Variants in TSEN15 observed in about 807,000 individuals in gnomAD.
TSEN15 encodes tRNA-splicing endonuclease subunit Sen15.
In TSEN15, 10 loss-of-function variants were observed where a neutral mutation model predicts 20.5. That is an observed-to-expected ratio of 0.49 (90% CI 0.30 to 0.83). TSEN15 has a LOEUF of 0.83. Ranked by LOEUF, TSEN15 falls within the 40% of genes least tolerant of loss-of-function variation. TSEN15 has a pLI of 0.06. For missense variants in TSEN15, 180 were observed against 218.6 expected, an observed-to-expected ratio of 0.82 and a Z score of 1.11; for synonymous variants, 72 against 80.1, an observed-to-expected ratio of 0.90 and a Z score of 0.54.
chr1:184,056,767 C>T (rs1205724176), intron 3 of TSEN15, among the ~76,000 whole-genome samples: 2 of 152,174 alleles, frequency 1.3e-5, no homozygotes, highest in Non-Finnish European at 2.9e-5. Context: ...TGACATATCA[C>T]TTCTGCTACT....
intron 4 of TSEN15, 194 bp downstream of exon 4, chr1:184,072,492 T>G (rs1650922547): frequency 1.7e-6 from 1 of 583,196 alleles, no homozygotes; most frequent in Non-Finnish European, 2.8e-6. Context: ...CTAGTTATTT[T>G]TGCAAAAAAA....
At chr1:184,074,239 CTA>C (rs1316537764), downstream of TSEN15, 1 of 152,196 alleles carries the variant, frequency 6.6e-6, no homozygotes, top group East Asian at 1.9e-4. Context: ...TATTAGTTAT[CTA>C]TCATTGCAAA....
intron 3 of TSEN15, among the ~76,000 whole-genome samples, chr1:184,069,340 T>A (rs1195493023): frequency 6.6e-6 from 1 of 152,150 alleles, no homozygotes; most frequent in Non-Finnish European, 1.5e-5. Flanking sequence ...TATTAATACA[T>A]AGGTTATATT....
At chr1:184,077,502 G>A (rs939385689), downstream of TSEN15, among the ~76,000 whole-genome samples, 3 of 152,152 alleles carry the variant, frequency 2.0e-5, no homozygotes, top group Admixed American at 6.6e-5. Flanking sequence ...GTCAAGGAGT[G>A]ATTTTGACTT....
Position 184,061,530 on chromosome 1 carries a change from C to T in TSEN15, c.353+6667C>T, listed in dbSNP as rs150780372. Among the ~76,000 whole-genome samples, 470 of 152,156 alleles carry T rather than the reference C, an allele frequency of 3.1e-3. 2 individuals are homozygous for T. The highest frequency in any genetic ancestry group is 7.4e-3 in the African/African-American group (306 of 41,516). Reference sequence around the variant, plus strand: ...ATAATCTGTTGTTTGTAAAACTGAACCAAACTCTGTCATTTACATAGTTAA... The same window carrying T: ...ATAATCTGTTGTTTGTAAAACTGAATCAAACTCTGTCATTTACATAGTTAA... On this transcript the variant is annotated intron_variant, in intron 3 of 4. Coordinates refer to ENST00000645668, the MANE Select transcript of TSEN15 (RefSeq NM_052965.4).
At chr1:184,088,114 C>T (rs1651296169) in intron 3 of TSEN15, among the ~76,000 whole-genome samples, 1 of 152,120 alleles carries the variant, frequency 6.6e-6, no homozygotes, top group Non-Finnish European at 1.5e-5. Context: ...ACCGGAGCCA[C>T]CTCAGGAAGA....
At chr1:184,060,402 C>G (rs1379446121) in intron 3 of TSEN15, among the ~76,000 whole-genome samples, 1 of 152,242 alleles carries the variant, frequency 6.6e-6, no homozygotes, top group African/African-American at 2.4e-5. Context: ...AAAGCACAAT[C>G]TGCATATCTG....
intron 3 of TSEN15, among the ~76,000 whole-genome samples, chr1:184,069,331 A>G (rs1650801422): frequency 6.6e-6 from 1 of 152,132 alleles, no homozygotes; most frequent in Non-Finnish European, 1.5e-5. Context: ...AACTGTTAGT[A>G]TTAATACATA....
rs59993350 is a variant in TSEN15 at position 184,068,339 on chromosome 1, C to A, written c.354-3818C>A. Among the ~76,000 whole-genome samples the A allele has an allele frequency of 4.6e-3, 694 of 152,208 alleles. 9 individuals are homozygous for A. Among genetic ancestry groups the A allele is most frequent in the African/African-American group, 0.016 (672 of 41,526 alleles). On this transcript the variant is annotated intron_variant, in intron 3 of 4. Coordinates refer to ENST00000645668, the MANE Select transcript of TSEN15 (RefSeq NM_052965.4). ...GAAAGCATAATCCTTATTACAAATT[C>A]ATTTAATGACCACTATTTTATTTGA...
intron 1 of TSEN15, 120 bp downstream of exon 1, chr1:184,052,010 G>A (rs1328383130): frequency 3.7e-6 from 4 of 1,092,282 alleles, no homozygotes; most frequent in Admixed American, 3.9e-5. Flanking sequence ...CACCCTCACC[G>A]AGGGGGACCG....
At chr1:184,054,695 A>C (rs766860801) in intron 2 of TSEN15, 33 bp from the exon 3 acceptor site, 1 of 1,597,628 alleles carries the variant, frequency 6.3e-7, no homozygotes, top group South Asian at 1.1e-5. Context: ...GTATTTAATA[A>C]ACATTATTGT....
chr1:184,066,604 C>T (rs1572710780), intron 3 of TSEN15, among the ~76,000 whole-genome samples: 2 of 152,110 alleles, frequency 1.3e-5, no homozygotes, highest in East Asian at 3.8e-4. Context: ...CAGGGTTTCA[C>T]CATGTTGGCT....
Position 184,072,914 on chromosome 1 carries a change from A to T in TSEN15, c.*67A>T. 2 of 1,464,196 alleles carry T rather than the reference A, an allele frequency of 1.4e-6. No individual in the cohort carries two copies. Among genetic ancestry groups the T allele is most frequent in the Non-Finnish European group, 1.9e-6 (2 of 1,067,042 alleles). 90.7% of individuals were successfully genotyped at this position (1,464,196 alleles called of 1,614,324 possible). A position where few individuals can be genotyped will look rare whatever the true frequency, so the allele number is the denominator to read the frequency against. ...GATTTGAGACCCATCAGACTGCTTC[A>T]TCTTTTATCTCAGAAATAGGGTTGA... On this transcript the variant is annotated 3_prime_UTR_variant, in exon 5 of 5. Transcript: ENST00000645668.
intron 3 of TSEN15, among the ~76,000 whole-genome samples, chr1:184,079,619 C>A (rs534566796): frequency 2.0e-5 from 3 of 152,100 alleles, no homozygotes; most frequent in Non-Finnish European, 2.9e-5. Context: ...TGCTGTCTGG[C>A]GGCATCTTTT....
chr1:184,077,047 G>C (rs755259974), downstream of TSEN15, among the ~76,000 whole-genome samples: 2 of 152,050 alleles, frequency 1.3e-5, no homozygotes, highest in African/African-American at 2.4e-5. Flanking sequence ...TAAATAACAG[G>C]CTTTAAATGT....
chr1:184,078,158 GAT>G (rs1175544493), downstream of TSEN15, among the ~76,000 whole-genome samples: 1 of 152,072 alleles, frequency 6.6e-6, no homozygotes, highest in African/African-American at 2.4e-5. Flanking sequence ...CCACCACTCT[GAT>G]CAGTTAGCAC....
downstream of TSEN15, among the ~76,000 whole-genome samples, chr1:184,075,391 G>A (rs1489240535): frequency 6.6e-6 from 1 of 152,140 alleles, no homozygotes. Context: ...AATTTTGTAA[G>A]TGAGTTTACA....
intron 3 of TSEN15, chr1:184,094,760 C>T: frequency 2.9e-6 from 1 of 350,384 alleles, no homozygotes; most frequent in South Asian, 1.5e-4. Context: ...CACTGCCTGC[C>T]ATGGTGCCTG....
chr1:184,096,414 T>G (rs1484740645), exon 4 of TSEN15: 2 of 152,174 alleles, frequency 1.3e-5, no homozygotes, highest in African/African-American at 4.8e-5. Context: ...AGGTGGTTGG[T>G]TTTAGGAATC....
Sources: allele counts gnomAD v4.1 joint callset (sites outside exome capture counted in the v4.1 genomes callset), GRCh38; gene constraint gnomAD v4.1.1; transcripts MANE v1.5; gene names NCBI Gene and HGNC (gene_info 2026-07-23, HGNC 2026-07-21).